Variants in PCDHGA7 observed in about 807,000 individuals in gnomAD.
PCDHGA7 encodes protocadherin gamma subfamily A, 7, also known as protocadherin gamma-A7.
Under a neutral mutation model 58.3 loss-of-function variants are expected in PCDHGA7, and 44 were observed. The ratio of observed to expected loss-of-function variants is 0.75; its 90% CI spans 0.59 to 0.97. The LOEUF is 0.97. Among genes scored for constraint, PCDHGA7 ranks in the 50% least tolerant of loss-of-function variants. PCDHGA7 has a pLI of 0.00. For synonymous variants in PCDHGA7, 516 were observed against 504.2 expected (o/e 1.02, Z -0.31); for missense variants, 1,266 against 1,188.7 (o/e 1.06, Z -0.96).
At chr5:141,456,687 A>G (rs1053490307) in intron 1 of PCDHGA7, among the ~76,000 whole-genome samples, 1 of 152,156 alleles carries the variant, frequency 6.6e-6, no homozygotes. Context: ...ATTACTGGCC[A>G]GGCGTGGTGG....
At chr5:141,450,888 G>C (rs1038570371) in intron 1 of PCDHGA7, among the ~76,000 whole-genome samples, 27 of 145,380 alleles carry the variant, frequency 1.9e-4, no homozygotes, top group Non-Finnish European at 3.9e-4. Flanking sequence ...GCAGTGGTGC[G>C]ATATCGGCTC....
chr5:141,422,809 G>A (rs1169197801), intron 1 of PCDHGA7: 8 of 1,614,232 alleles, frequency 5.0e-6, no homozygotes, highest in Non-Finnish European at 6.8e-6. Context: ...GCAGTTTCGA[G>A]ACTTAGAACT....
At chr5:141,479,849 C>T (rs1014214860) in intron 1 of PCDHGA7, among the ~76,000 whole-genome samples, 7 of 152,208 alleles carry the variant, frequency 4.6e-5, no homozygotes. Context: ...AAGGTGACTG[C>T]AAGGCCTTTG....
chr5:141,451,095 T>G (rs1158753327), intron 1 of PCDHGA7, among the ~76,000 whole-genome samples: 2 of 152,180 alleles, frequency 1.3e-5, no homozygotes, highest in African/African-American at 4.8e-5. Context: ...CCCAAAGTGT[T>G]GGGATTACAG....
intron 1 of PCDHGA7, among the ~76,000 whole-genome samples, chr5:141,450,776 C>T (rs757791026): frequency 4.0e-5 from 6 of 151,440 alleles, no homozygotes; most frequent in Non-Finnish European, 8.8e-5. Context: ...CATGAGCCAC[C>T]GTGCCCGGAC....
In PCDHGA7 at chr5:141,490,794, C is replaced by G. The variant is rs763933771; in HGVS notation, c.2425-4013C>G. The G allele has an allele frequency of 5.0e-6, 8 of 1,613,976 alleles. No individual in the cohort carries two copies. In the South Asian group the frequency reaches 7.7e-5, roughly 16 times the overall value. ...ACCCAGAGGATGGACGGATCTTTGCCCAGCGTACCTTTGACTATGAATTGC... is the reference window on the plus strand; with the variant it reads ...ACCCAGAGGATGGACGGATCTTTGCGCAGCGTACCTTTGACTATGAATTGC... On this transcript the variant is annotated intron_variant, in intron 1 of 3. Transcript: ENST00000518325. The surrounding 1 kb of genome is among the most constrained non-coding windows in gnomAD (Gnocchi z 5.4).
In PCDHGA7 at chr5:141,383,409, C is replaced by T. The variant is rs199780721; in HGVS notation, c.510C>T (p.Tyr170=). 1.2e-6 allele frequency: 2 copies of T among 1,614,010 alleles called. No homozygotes were observed. Among genetic ancestry groups the T allele is most frequent in the Non-Finnish European group, 1.7e-6 (2 of 1,179,894 alleles). ...PDVGTNSLQS[Y]QLSPNRHFSL... Reference sequence around the variant, plus strand: ...TGGGCACGAACTCCCTCCAGAGTTACCAGCTCAGCCCCAATCGCCACTTCT... The same window carrying T: ...TGGGCACGAACTCCCTCCAGAGTTATCAGCTCAGCCCCAATCGCCACTTCT... The change falls in exon 1 of 4, where the codon TAC becomes TAT. Residue 170 remains tyrosine, a synonymous_variant. Coordinates refer to ENST00000518325, the MANE Select transcript of PCDHGA7 (RefSeq NM_018920.4).
chr5:141,384,666 C>CA lies in PCDHGA7; in HGVS notation c.1769dup (p.Val591GlyfsTer20). 2 of 1,614,220 alleles carry CA rather than the reference C, an allele frequency of 1.2e-6. No individual in the cohort carries two copies. Among genetic ancestry groups the CA allele is most frequent in the Non-Finnish European group, 1.7e-6 (2 of 1,180,044 alleles). On this transcript the variant is annotated frameshift_variant, in exon 1 of 4. Coordinates refer to ENST00000518325, the MANE Select transcript of PCDHGA7 (RefSeq NM_018920.4). LOFTEE classifies it high-confidence loss of function. The stretch of plus-strand genomic sequence containing the variant: ...CCGCAGAGCCCGGCTACCTGGTGAC[C>CA]AAGGTGGTGGCGGTGGACAAAGATT...
In PCDHGA7 at chr5:141,477,018, C is replaced by T. The variant is rs2099403540; in HGVS notation, c.2425-17789C>T. The T allele has an allele frequency of 3.1e-6, 5 of 1,614,262 alleles. No homozygotes were observed. Among genetic ancestry groups the T allele is most frequent in the Non-Finnish European group, 4.2e-6 (5 of 1,180,048 alleles). ...CAACTATTCGCCTTAGACCTTGTAA[C>T]CGGGATGCTGACAATCAAGGGTCGG... On this transcript the variant is annotated intron_variant, in intron 1 of 3. Coordinates refer to ENST00000518325, the MANE Select transcript of PCDHGA7 (RefSeq NM_018920.4). The surrounding 1 kb of genome is among the most constrained non-coding windows in gnomAD (Gnocchi z 4.9).
rs189734474 is a variant in PCDHGA7, at chr5:141,512,858, G to T, written c.*1685G>T. 1 of 152,296 alleles carries T rather than the reference G, an allele frequency of 6.6e-6. No individual in the cohort carries two copies. The highest frequency in any genetic ancestry group is 1.9e-4 in the East Asian group (1 of 5,182). 9.4% of individuals were successfully genotyped at this position (152,296 alleles called of 1,614,324 possible). ...ACTTCTCCTATAAGCGCTTCTCTTC[G>T]CATAGTCACGTAGCTCCCACCCCAC... On this transcript the variant is annotated 3_prime_UTR_variant, in exon 4 of 4. Coordinates refer to ENST00000518325, the MANE Select transcript of PCDHGA7 (RefSeq NM_018920.4).
intron 1 of PCDHGA7, among the ~76,000 whole-genome samples, chr5:141,447,063 G>C (rs762309557): frequency 6.6e-6 from 1 of 152,028 alleles, no homozygotes; most frequent in South Asian, 2.1e-4. Context: ...AATGTGTCAG[G>C]CTGTTTTAAT....
intron 1 of PCDHGA7, among the ~76,000 whole-genome samples, chr5:141,492,329 C>T (rs2099739386): frequency 1.3e-5 from 2 of 152,232 alleles, no homozygotes; most frequent in African/African-American, 4.8e-5. Context: ...CGTGGGCTTA[C>T]GCGAATACCA....
intron 1 of PCDHGA7, chr5:141,423,131 A>G (rs370773437): frequency 1.9e-6 from 3 of 1,613,538 alleles, no homozygotes; most frequent in Admixed American, 1.7e-5. Context: ...GCACTGCTGG[A>G]CAGAGACGCG....
At chr5:141,502,074 C>G (rs73794927) in intron 2 of PCDHGA7, among the ~76,000 whole-genome samples, 1,657 of 152,272 alleles carry the variant, frequency 0.011, 27 homozygotes, top group African/African-American at 0.037. Flanking sequence ...CCCCCTTCAC[C>G]TGGGGCTGAG....
intron 1 of PCDHGA7, chr5:141,415,846 G>A: frequency 3.2e-6 from 4 of 1,240,536 alleles, no homozygotes; most frequent in Non-Finnish European, 4.2e-6. Flanking sequence ...TAGCTTTGCA[G>A]AACCTTGTAG....
At chr5:141,441,368 G>A (rs1215599443) in intron 1 of PCDHGA7, 2 of 152,598 alleles carry the variant, frequency 1.3e-5, no homozygotes, top group African/African-American at 2.4e-5. Flanking sequence ...TGGGGCCGTG[G>A]ACCAGGAACA....
rs768635851 is a variant in PCDHGA7 at position 141,489,334 on chromosome 5, C to G, written c.2425-5473C>G. 2 of 1,606,614 alleles carry G rather than the reference C, an allele frequency of 1.2e-6. No individual in the cohort carries two copies. Among genetic ancestry groups the G allele is most frequent in the Non-Finnish European group, 1.7e-6 (2 of 1,175,584 alleles). On this transcript the variant is annotated intron_variant, in intron 1 of 3. Coordinates refer to ENST00000518325, the MANE Select transcript of PCDHGA7 (RefSeq NM_018920.4). The surrounding 1 kb of genome is among the most constrained non-coding windows in gnomAD (Gnocchi z 4.5). Reference sequence around the variant, plus strand: ...CTGGGGCTGGGTGTCTGGGCAGCTTCGTTACTCAGTGGTGGAGGAGTCTGA... The same window carrying G: ...CTGGGGCTGGGTGTCTGGGCAGCTTGGTTACTCAGTGGTGGAGGAGTCTGA...
At chr5:141,472,017 T>C (rs2154571143) in intron 1 of PCDHGA7, among the ~76,000 whole-genome samples, 1 of 152,290 alleles carries the variant, frequency 6.6e-6, no homozygotes, top group South Asian at 2.1e-4. Context: ...GGGCACTATA[T>C]TGTATGTAGA....
At chr5:141,409,786 C>A in intron 1 of PCDHGA7, 11 of 1,612,124 alleles carry the variant, frequency 6.8e-6, no homozygotes, top group Non-Finnish European at 9.3e-6. Flanking sequence ...TGCGCGCCTT[C>A]GCGCTCACGC....
Sources: allele counts gnomAD v4.1 joint callset (sites outside exome capture counted in the v4.1 genomes callset), GRCh38; gene constraint gnomAD v4.1.1; non-coding constraint Gnocchi (gnomAD v3.1); transcripts MANE v1.5; gene names NCBI Gene and HGNC (gene_info 2026-07-23, HGNC 2026-07-21).